Variants in MRTO4 observed in about 807,000 individuals in gnomAD.
MRTO4 encodes the protein mRNA turnover protein 4 homolog.
In MRTO4, 7 loss-of-function variants were observed where a neutral mutation model predicts 28.6. That is an observed-to-expected ratio of 0.24 (90% confidence interval 0.14 to 0.46). The LOEUF (loss-of-function observed/expected upper bound fraction) is 0.46. MRTO4 is among the 20% of genes least tolerant of loss of function. The pLI, the probability that MRTO4 is intolerant of heterozygous loss-of-function variation, is 0.99. For missense variants in MRTO4, 302 were observed against 298.3 expected, an observed-to-expected ratio of 1.01 and a Z score of -0.09; for synonymous variants, 113 against 108.2, an observed-to-expected ratio of 1.04 and a Z score of -0.27.
Position 19,254,849 on chromosome 1 carries a change from T to C in MRTO4, c.87+9T>C, listed in dbSNP as rs376290110. 16 of 1,602,908 alleles carry C rather than the reference T, an allele frequency of 1.0e-5. No individual in the cohort carries two copies. Among genetic ancestry groups the C allele is most frequent in the African/African-American group, 2.7e-5 (2 of 73,840 alleles). On this transcript the variant is annotated intron_variant, in intron 2 of 7. Coordinates refer to ENST00000330263, the MANE Select transcript of MRTO4 (RefSeq NM_016183.4). ...AAAACCTGATAGAAGAGGTAAGAGGTTGTTCTTTTCTAGAGCTTGCAATTG... is the reference window on the plus strand; with the variant it reads ...AAAACCTGATAGAAGAGGTAAGAGGCTGTTCTTTTCTAGAGCTTGCAATTG...
At chr1:19,255,505 G>A (rs2093670209) in intron 2 of MRTO4, among the ~76,000 whole-genome samples, 1 of 152,086 alleles carries the variant, frequency 6.6e-6, no homozygotes, top group African/African-American at 2.4e-5. Flanking sequence ...TGCAGGCTGG[G>A]TGAAACAGTC....
At chr1:19,252,679 C>T (rs551990888) in intron 1 of MRTO4, among the ~76,000 whole-genome samples, 1 of 152,244 alleles carries the variant, frequency 6.6e-6, no homozygotes, top group African/African-American at 2.4e-5. Context: ...AGCCTGGGCA[C>T]GACAGAGCGA....
chr1:19,258,657 C>G (rs762295850), intron 7 of MRTO4, 24 bp from the exon 8 acceptor site: 1 of 1,613,946 alleles, frequency 6.2e-7, no homozygotes, highest in African/African-American at 1.3e-5. Context: ...CCTCCTGATT[C>G]TTTGTTCCCT....
chr1:19,251,913 A>G lies in MRTO4; in HGVS notation c.28+50A>G, dbSNP rs765251913. 11 of 1,565,262 alleles carry G rather than the reference A, an allele frequency of 7.0e-6. No homozygotes were observed. In the African/African-American group the frequency reaches 1.4e-4, roughly 19 times the overall value. ...CTGGGGGGAGCTCCGTGGGCTGGCT[A>G]CCCAGCCTGCGGTGAGGGCTTCGGG... On this transcript the variant is annotated intron_variant, in intron 1 of 7. Coordinates refer to ENST00000330263, the MANE Select transcript of MRTO4 (RefSeq NM_016183.4).
At chr1:19,257,596 C>A (rs1442122326) in intron 5 of MRTO4, 75 bp downstream of exon 5, 5 of 1,569,912 alleles carry the variant, frequency 3.2e-6, no homozygotes, top group Non-Finnish European at 4.4e-6. Context: ...GCAGGAACTT[C>A]GTTCCATATG....
At chr1:19,258,228 TAGAC>T (rs912477082) in intron 6 of MRTO4, among the ~76,000 whole-genome samples, 3 of 150,926 alleles carry the variant, frequency 2.0e-5, no homozygotes, top group Non-Finnish European at 4.4e-5. Flanking sequence ...GTCAAAAAAT[TAGAC>T]AGCCATGGTG....
At chr1:19,258,136 G>T (rs970177074) in intron 6 of MRTO4, 152 bp downstream of exon 6, 2 of 1,095,404 alleles carry the variant, frequency 1.8e-6, no homozygotes, top group Non-Finnish European at 2.5e-6. Flanking sequence ...CACAGTGGGG[G>T]TGAAAGCAGA....
chr1:19,253,916 G>A (rs1178698141), intron 1 of MRTO4, among the ~76,000 whole-genome samples: 1 of 152,206 alleles, frequency 6.6e-6, no homozygotes, highest in Non-Finnish European at 1.5e-5. Context: ...TTGGGCCCCA[G>A]CCATTTTTAC....
chr1:19,258,313 C>T (rs1316895003), intron 6 of MRTO4, among the ~76,000 whole-genome samples, 164 bp from the exon 7 acceptor site: 1 of 152,098 alleles, frequency 6.6e-6, no homozygotes, highest in African/African-American at 2.4e-5. Context: ...GAGGTCGAGG[C>T]TGCGGCAAAT....
At chr1:19,252,178 C>A in intron 1 of MRTO4, 1 of 432,768 alleles carries the variant, frequency 2.3e-6, no homozygotes, top group Non-Finnish European at 4.1e-6. Context: ...GCCCACTTTT[C>A]CCAACTTCGG....
chr1:19,258,617 A>G (rs2093675229), intron 7 of MRTO4, 64 bp downstream of exon 7: 30 of 1,613,878 alleles, frequency 1.9e-5, no homozygotes, highest in Non-Finnish European at 2.5e-5. Context: ...CCTGCTGAAA[A>G]TGCCCCCCTG....
intron 1 of MRTO4, among the ~76,000 whole-genome samples, chr1:19,254,435 A>G (rs894722313): frequency 5.9e-5 from 9 of 151,608 alleles, no homozygotes; most frequent in African/African-American, 2.2e-4. Flanking sequence ...CTCAGCCAGC[A>G]GGTGAGGTCT....
Position 19,259,423 on chromosome 1 carries a change from TA to T in MRTO4, c.*602del, listed in dbSNP as rs534582146. 5 of 151,218 alleles carry T rather than the reference TA, an allele frequency of 3.3e-5. No homozygotes were observed. Among genetic ancestry groups the T allele is most frequent in the Non-Finnish European group, 5.9e-5 (4 of 67,794 alleles). 9.4% of individuals were successfully genotyped at this position (151,218 alleles called of 1,614,324 possible). A position where few individuals can be genotyped will look rare whatever the true frequency, so the allele number is the denominator to read the frequency against. The stretch of plus-strand genomic sequence containing the variant: ...AGCAAGATCCCGTCTCTACAAAAAA[TA>T]AAAAAAAATTAGTCGTGGTGCCACT... On this transcript the variant is annotated 3_prime_UTR_variant, in exon 8 of 8. Transcript: ENST00000330263.
chr1:19,258,395 G>T (rs2093674779), intron 6 of MRTO4, 82 bp from the exon 7 acceptor site: 3 of 1,547,742 alleles, frequency 1.9e-6, no homozygotes, highest in Middle Eastern at 1.7e-4. Flanking sequence ...TGGCTGACTG[G>T]ATTCCTCCCA....
At chr1:19,254,682 G>A in intron 1 of MRTO4, 100 bp from the exon 2 acceptor site, 2 of 971,208 alleles carry the variant, frequency 2.1e-6, no homozygotes, top group South Asian at 1.3e-5. Context: ...CAGAATGGCT[G>A]CATCCAGCTG....
At chr1:19,258,445 C>T (rs954759025) in intron 6 of MRTO4, 32 bp from the exon 7 acceptor site, 2 of 1,612,110 alleles carry the variant, frequency 1.2e-6, no homozygotes, top group Admixed American at 3.3e-5. Flanking sequence ...GCCTCTGGGC[C>T]AGAGGTAACT....
chr1:19,255,972 A>G lies in MRTO4; in HGVS notation c.112A>G (p.Lys38Glu), dbSNP rs141316973. The G allele has an allele frequency of 1.1e-5, 18 of 1,613,830 alleles. No individual in the cohort carries two copies. The African/African-American group carries it at 2.3e-4, about 20-fold the overall frequency. The change falls in exon 3 of 8, where the codon AAG becomes GAG. Residue 38 changes from lysine (K) to glutamate (E), a missense_variant. Physicochemically the swap from Lys to Glu is moderately conservative, Grantham distance 56. Transcript: ENST00000330263. ...EELRKCVDTY[K>E]YLFIFSVANM... The stretch of plus-strand genomic sequence containing the variant: ...GCTTCGGAAATGTGTGGACACCTAC[A>G]AGTACCTTTTCATCTTCTCTGTGGC...
chr1:19,257,008 G>A, intron 3 of MRTO4, 56 bp from the exon 4 acceptor site: 1 of 1,563,910 alleles, frequency 6.4e-7, no homozygotes, highest in Non-Finnish European at 8.8e-7. Context: ...ATGTTGCTGA[G>A]GGATGGGGAG....
intron 1 of MRTO4, 72 bp downstream of exon 1, chr1:19,251,935 C>T: frequency 2.6e-6 from 4 of 1,530,738 alleles, no homozygotes; most frequent in East Asian, 2.4e-5. Context: ...GTGAGGGCTT[C>T]GGGGCGGCGG....
Sources: gnomAD v4.1 joint callset for allele counts (sites outside exome capture counted in the v4.1 genomes callset) on GRCh38, gnomAD v4.1.1 for gene constraint, MANE v1.5 for transcripts, NCBI Gene and HGNC (gene_info 2026-07-23, HGNC 2026-07-21) for gene names.